ABHD17B: variants seen among roughly 807,000 people sequenced by gnomAD.
ABHD17B encodes the protein alpha/beta hydrolase domain-containing protein 17B.
In ABHD17B, 9 loss-of-function variants were observed where a neutral mutation model predicts 26.2. The ratio of observed to expected loss-of-function variants is 0.34; its 90% CI spans 0.21 to 0.60. The LOEUF (loss-of-function observed/expected upper bound fraction) is 0.60, where lower values mean the gene tolerates loss of function less well. ABHD17B is among the 20% of genes least tolerant of loss of function. The pLI, the probability that ABHD17B is intolerant of heterozygous loss-of-function variation, is 0.80. For synonymous variants in ABHD17B, 127 were observed against 122.3 expected, an observed-to-expected ratio of 1.04 and a Z score of -0.25; for missense variants, 224 against 352.1, an observed-to-expected ratio of 0.64 and a Z score of 2.91.
intron 1 of ABHD17B, among the ~76,000 whole-genome samples, chr9:71,906,816 AAAC>A (rs1346948676): frequency 0.043 from 81 of 1,864 alleles, no homozygotes; most frequent in East Asian, 0.21. Context: ...ACAAACAAAC[AAAC>A]AAAAAAAAAA....
chr9:71,883,875 T>A (rs1468395197), intron 1 of ABHD17B, among the ~76,000 whole-genome samples: 1 of 151,922 alleles, frequency 6.6e-6, no homozygotes, highest in Non-Finnish European at 1.5e-5. Context: ...AGGCAGAGGT[T>A]GCAGTGAGCC....
chr9:71,863,725 A>G (rs1825882937), downstream of ABHD17B, among the ~76,000 whole-genome samples: 1 of 152,132 alleles, frequency 6.6e-6, no homozygotes, highest in African/African-American at 2.4e-5. Flanking sequence ...CTGAGCTTTA[A>G]TCTGGTATTG....
At chr9:71,869,805 A>G (rs539388839) in intron 3 of ABHD17B, among the ~76,000 whole-genome samples, 1 of 152,168 alleles carries the variant, frequency 6.6e-6, no homozygotes, top group Admixed American at 6.5e-5. Flanking sequence ...TGTCAAATTT[A>G]TGTTTCAAAT....
intron 1 of ABHD17B, among the ~76,000 whole-genome samples, chr9:71,877,802 G>C (rs1826323020): frequency 6.6e-6 from 1 of 152,146 alleles, no homozygotes; most frequent in Non-Finnish European, 1.5e-5. Flanking sequence ...GAAGTTTCTG[G>C]GGATGAACAC....
Position 71,866,297 on chromosome 9 carries a change from TTTAGG to T in ABHD17B, c.*485_*489del. The T allele has an allele frequency of 3.0e-6, 3 of 988,706 alleles. No homozygotes were observed. The highest frequency in any genetic ancestry group is 3.6e-6 in the Non-Finnish European group (3 of 831,280). 61.2% of individuals were successfully genotyped at this position (988,706 alleles called of 1,614,324 possible). A position where few individuals can be genotyped will look rare whatever the true frequency, so the allele number is the denominator to read the frequency against. ...AAACCTCTATCCCTGTACAACAGGGTTTAGGTTAATTCTAGTGAACTTGCATGGTT... is the reference window on the plus strand; with the variant it reads ...AAACCTCTATCCCTGTACAACAGGGTTTAATTCTAGTGAACTTGCATGGTT... On this transcript the variant is annotated 3_prime_UTR_variant, in exon 4 of 4. Coordinates refer to ENST00000333421, the MANE Select transcript of ABHD17B (RefSeq NM_001025780.3).
intron 1 of ABHD17B, among the ~76,000 whole-genome samples, chr9:71,884,475 G>A (rs910707835): frequency 2.6e-5 from 4 of 151,998 alleles, no homozygotes; most frequent in African/African-American, 9.7e-5. Context: ...AAATATAATG[G>A]TATTGGGTGA....
chr9:71,908,415 G>C (rs562553813), intron 1 of ABHD17B, among the ~76,000 whole-genome samples: 1 of 147,120 alleles, frequency 6.8e-6, no homozygotes, highest in South Asian at 2.1e-4. Context: ...AAAAAAAAAG[G>C]CCACAAACTC....
chr9:71,888,911 A>G (rs933965560), intron 1 of ABHD17B, among the ~76,000 whole-genome samples: 3 of 152,164 alleles, frequency 2.0e-5, no homozygotes, highest in Non-Finnish European at 4.4e-5. Context: ...GTAAACGGTG[A>G]TAATACTACT....
Position 71,866,599 on chromosome 9 carries a change from G to A in ABHD17B, c.*188C>T. The A allele has an allele frequency of 7.0e-7, 1 of 1,427,990 alleles. No homozygotes were observed. The highest frequency in any genetic ancestry group is 1.5e-5 in the South Asian group (1 of 64,802). The allele number at this position is 1,427,990 out of a possible 1,614,324, so 88.5% of individuals were successfully genotyped here. A position where few individuals can be genotyped will look rare whatever the true frequency, so the allele number is the denominator to read the frequency against. On this transcript the variant is annotated 3_prime_UTR_variant, in exon 4 of 4. Coordinates refer to ENST00000333421, the MANE Select transcript of ABHD17B (RefSeq NM_001025780.3). ...ATAAATTACACAGCCTGACTGCACGGTACTGTTATTTCCAGTTTTTAGTTC... is the reference window on the plus strand; with the variant it reads ...ATAAATTACACAGCCTGACTGCACGATACTGTTATTTCCAGTTTTTAGTTC...
At chr9:71,885,904 T>C (rs1826594146) in intron 1 of ABHD17B, among the ~76,000 whole-genome samples, 1 of 152,224 alleles carries the variant, frequency 6.6e-6, no homozygotes, top group Non-Finnish European at 1.5e-5. Context: ...TTAAGATTTT[T>C]GTTGTACTGA....
At chr9:71,900,897 C>G (rs1443711905) in intron 1 of ABHD17B, among the ~76,000 whole-genome samples, 2 of 152,024 alleles carry the variant, frequency 1.3e-5, no homozygotes, top group Non-Finnish European at 2.9e-5. Flanking sequence ...CGCCTGTAAT[C>G]CCAGCACTTT....
chr9:71,890,623 G>A (rs557276882), intron 1 of ABHD17B, among the ~76,000 whole-genome samples: 14 of 152,250 alleles, frequency 9.2e-5, no homozygotes, highest in African/African-American at 3.4e-4. Flanking sequence ...AAAACTCAGA[G>A]AATAAACAGC....
At chr9:71,873,450 T>C (rs915850785) in intron 2 of ABHD17B, among the ~76,000 whole-genome samples, 5 of 152,194 alleles carry the variant, frequency 3.3e-5, no homozygotes, top group African/African-American at 1.2e-4. Flanking sequence ...TGGGCTTGAG[T>C]GCAGTGGTGT....
At chr9:71,890,126 A>T (rs189703843) in intron 1 of ABHD17B, among the ~76,000 whole-genome samples, 1 of 151,916 alleles carries the variant, frequency 6.6e-6, no homozygotes. Context: ...AAATAAATAA[A>T]TAAATAAATA....
At chr9:71,904,023 T>C (rs184467242) in intron 1 of ABHD17B, among the ~76,000 whole-genome samples, 4 of 152,336 alleles carry the variant, frequency 2.6e-5, no homozygotes, top group African/African-American at 9.6e-5. Context: ...CCATATTCTA[T>C]CCACTCTTCC....
At chr9:71,901,045 A>G (rs1476830384) in intron 1 of ABHD17B, among the ~76,000 whole-genome samples, 1 of 151,902 alleles carries the variant, frequency 6.6e-6, no homozygotes, top group Non-Finnish European at 1.5e-5. Context: ...CCAGCTACTC[A>G]GGAGGCTGAG....
In ABHD17B at chr9:71,865,235, T is replaced by TG. The variant is rs1473922027; in HGVS notation, c.*1551_*1552insC. 1.0e-6 allele frequency: 1 copy of TG among 985,436 alleles called. No homozygotes were observed. Among genetic ancestry groups the TG allele is most frequent in the African/African-American group, 1.7e-5 (1 of 57,210 alleles). The allele number at this position is 985,436 out of a possible 1,614,324, so 61.0% of individuals were successfully genotyped here. A position where few individuals can be genotyped will look rare whatever the true frequency, so the allele number is the denominator to read the frequency against. ...AATACTTGATATACTTTGAAGAGAG[T>TG]CATATACTATAGTCTTAAACATAAC... On this transcript the variant is annotated 3_prime_UTR_variant, in exon 4 of 4. Coordinates refer to ENST00000333421, the MANE Select transcript of ABHD17B (RefSeq NM_001025780.3).
intron 1 of ABHD17B, among the ~76,000 whole-genome samples, chr9:71,898,915 G>C (rs1392326067): frequency 6.6e-6 from 1 of 152,094 alleles, no homozygotes; most frequent in Non-Finnish European, 1.5e-5. Context: ...CTGAGGTCAG[G>C]AGTTTCAGAG....
Position 71,865,691 on chromosome 9 carries a change from T to C in ABHD17B, c.*1096A>G, listed in dbSNP as rs1589206001. 2 of 667,566 alleles carry C rather than the reference T, an allele frequency of 3.0e-6. No individual in the cohort carries two copies. The highest frequency in any genetic ancestry group is 7.6e-4 in the Middle Eastern group (1 of 1,316). The allele number at this position is 667,566 out of a possible 1,614,324, so 41.4% of individuals were successfully genotyped here. A position where few individuals can be genotyped will look rare whatever the true frequency, so the allele number is the denominator to read the frequency against. On this transcript the variant is annotated 3_prime_UTR_variant, in exon 4 of 4. Coordinates refer to ENST00000333421, the MANE Select transcript of ABHD17B (RefSeq NM_001025780.3). ...GCCTGATCAACATGGCAAAACCCTG[T>C]CTCTACTAAAAATACAAAAATTAGC...
Sources: allele counts gnomAD v4.1 joint callset (sites outside exome capture counted in the v4.1 genomes callset), GRCh38; gene constraint gnomAD v4.1.1; transcripts MANE v1.5; gene names NCBI Gene and HGNC (gene_info 2026-07-23, HGNC 2026-07-21).